LRRTM4: variants seen among roughly 807,000 people sequenced by gnomAD.
The protein encoded by LRRTM4 is leucine-rich repeat transmembrane neuronal protein 4.
LRRTM4 carries 25 observed loss-of-function variants against 47.6 expected under a neutral mutation model. The observed-to-expected ratio is 0.53, with a 90% CI of 0.38 to 0.73. LRRTM4 has a LOEUF of 0.73. Ranked by LOEUF, LRRTM4 falls within the 30% of genes least tolerant of loss-of-function variation. LRRTM4 has a pLI of 0.00. For missense variants in LRRTM4, 638 were observed against 713.4 expected (o/e 0.89, Z 1.20); for synonymous variants, 311 against 269.5 (o/e 1.15, Z -1.51).
chr2:76,965,529 A>G (rs1053688496), intron 3 of LRRTM4, among the ~76,000 whole-genome samples: 1 of 151,360 alleles, frequency 6.6e-6, no homozygotes, highest in Non-Finnish European at 1.5e-5. Context: ...GATGTAACAA[A>G]AACTATTTTA....
intron 3 of LRRTM4, among the ~76,000 whole-genome samples, chr2:76,900,854 A>C (rs1673600461): frequency 6.6e-6 from 1 of 152,216 alleles, no homozygotes; most frequent in South Asian, 2.1e-4. Flanking sequence ...GTCCTCTGAC[A>C]TTTAATTAAC....
intron 3 of LRRTM4, among the ~76,000 whole-genome samples, chr2:77,217,440 A>AATATATATATATAT (rs34070418): frequency 0.053 from 4,021 of 76,504 alleles, 411 homozygotes; most frequent in African/African-American, 0.086. Flanking sequence ...CTCCAAATGA[A>AATATATATATATAT]ATATATATAT....
intron 3 of LRRTM4, among the ~76,000 whole-genome samples, chr2:76,767,436 A>C (rs1249270849): frequency 6.6e-6 from 1 of 152,212 alleles, no homozygotes; most frequent in Non-Finnish European, 1.5e-5. Flanking sequence ...CCATTTAAAA[A>C]ATGGTAAAAT....
intron 3 of LRRTM4, among the ~76,000 whole-genome samples, chr2:76,975,857 A>G (rs1676403018): frequency 6.6e-6 from 1 of 151,810 alleles, no homozygotes; most frequent in Non-Finnish European, 1.5e-5. Context: ...TAATTAAGTA[A>G]TTTAGAAACA....
intron 3 of LRRTM4, among the ~76,000 whole-genome samples, chr2:77,207,535 T>G (rs1674169920): frequency 6.6e-6 from 1 of 151,856 alleles, no homozygotes; most frequent in Admixed American, 6.6e-5. Context: ...TGGCTGTGAC[T>G]TATTGTTCAT....
intron 3 of LRRTM4, among the ~76,000 whole-genome samples, chr2:77,065,308 A>C (rs1679916580): frequency 6.6e-6 from 1 of 152,192 alleles, no homozygotes; most frequent in African/African-American, 2.4e-5. Flanking sequence ...TAAGCTCAGA[A>C]GTTATAAAGA....
intron 3 of LRRTM4, among the ~76,000 whole-genome samples, chr2:77,038,980 A>G (rs1035515301): frequency 6.6e-6 from 1 of 151,342 alleles, no homozygotes; most frequent in Non-Finnish European, 1.5e-5. Context: ...TTGCAATACT[A>G]AAGGTCCAGT....
intron 3 of LRRTM4, among the ~76,000 whole-genome samples, chr2:77,317,474 C>T (rs1158471982): frequency 6.6e-6 from 1 of 152,128 alleles, no homozygotes; most frequent in East Asian, 1.9e-4. Flanking sequence ...TTTCATTAAC[C>T]TTTATACGTT....
chr2:77,265,456 C>T lies in LRRTM4; in HGVS notation c.1551+252862G>A, dbSNP rs566974879. ...CTCACTCTCTTTCTCTCTACCTTCC[C>T]GCTGCCCCTGTGCTGCCATCTTCCA... On this transcript the variant is annotated intron_variant, in intron 3 of 3. Transcript: ENST00000409884. Among the ~76,000 whole-genome samples the T allele has an allele frequency of 3.9e-5, 6 of 152,166 alleles. No individual in the cohort carries two copies. The South Asian group carries it at 6.2e-4, about 16-fold the overall frequency.
intron 3 of LRRTM4, among the ~76,000 whole-genome samples, chr2:76,972,089 C>T (rs985204362): frequency 1.3e-5 from 2 of 151,960 alleles, no homozygotes; most frequent in African/African-American, 2.4e-5. Flanking sequence ...TTCTAGAAGT[C>T]AGTCAGTTCT....
chr2:77,497,523 G>T (rs1678408925), intron 3 of LRRTM4, among the ~76,000 whole-genome samples: 1 of 151,012 alleles, frequency 6.6e-6, no homozygotes, highest in Non-Finnish European at 1.5e-5. Flanking sequence ...TCTCCCTTAT[G>T]CCACACTTTT....
rs371017380 is a variant in LRRTM4, at chr2:77,198,110, T to G, written c.1551+320208A>C. Among the ~76,000 whole-genome samples, 39 of 152,310 alleles carry G rather than the reference T, an allele frequency of 2.6e-4. No individual in the cohort carries two copies. The East Asian group carries it at 6.6e-3, about 26-fold the overall frequency. ...ACAACAAACTTCTATTTCGTCTTCA[T>G]GCAACTTCTGCACTGAGGGCTGCTT... On this transcript the variant is annotated intron_variant, in intron 3 of 3. Transcript: ENST00000409884.
At chr2:77,308,291 C>T (rs999142208) in intron 3 of LRRTM4, among the ~76,000 whole-genome samples, 8 of 151,302 alleles carry the variant, frequency 5.3e-5, no homozygotes, top group African/African-American at 1.9e-4. Context: ...AAGACTAACA[C>T]AACACAAAAA....
intron 3 of LRRTM4, among the ~76,000 whole-genome samples, chr2:77,314,511 A>C (rs1573239117): frequency 6.6e-6 from 1 of 152,164 alleles, no homozygotes; most frequent in Admixed American, 6.5e-5. Flanking sequence ...TCAATCAGCT[A>C]TTTTCATTTA....
chr2:76,780,558 T>C (rs1573090366), intron 3 of LRRTM4, among the ~76,000 whole-genome samples: 1 of 152,306 alleles, frequency 6.6e-6, no homozygotes, highest in Middle Eastern at 3.4e-3. Context: ...CATCGGCTCC[T>C]GAGGCTTCTG....
At chr2:77,103,586 T>A (rs1162959031) in intron 3 of LRRTM4, among the ~76,000 whole-genome samples, 1 of 151,216 alleles carries the variant, frequency 6.6e-6, no homozygotes, top group Admixed American at 6.6e-5. Context: ...AAAGCTAAAA[T>A]TGCATGTTGT....
intron 3 of LRRTM4, among the ~76,000 whole-genome samples, chr2:77,085,009 A>G (rs1301018014): frequency 6.6e-6 from 1 of 152,166 alleles, no homozygotes; most frequent in Non-Finnish European, 1.5e-5. Flanking sequence ...TACAATGCTT[A>G]TAATGCAACA....
intron 3 of LRRTM4, among the ~76,000 whole-genome samples, chr2:76,842,854 T>C (rs1166098438): frequency 6.6e-6 from 1 of 152,168 alleles, no homozygotes; most frequent in Admixed American, 6.5e-5. Context: ...CCTCCAATTT[T>C]CTTATGAGTG....
At chr2:77,172,510 C>T (rs1673077257) in intron 3 of LRRTM4, among the ~76,000 whole-genome samples, 1 of 152,128 alleles carries the variant, frequency 6.6e-6, no homozygotes, top group African/African-American at 2.4e-5. Context: ...AGGAAAATTG[C>T]TTGAATTTGT....
Sources: allele counts gnomAD v4.1 joint callset (sites outside exome capture counted in the v4.1 genomes callset), GRCh38; gene constraint gnomAD v4.1.1; transcripts MANE v1.5; gene names NCBI Gene and HGNC (gene_info 2026-07-23, HGNC 2026-07-21).